The following LMBRD2 variants were observed in gnomAD, a reference collection of about 807,000 sequenced individuals.
The protein encoded by LMBRD2 is LMBR1 domain containing 2, also known as G protein-coupled receptor-associated protein LMBRD2.
In LMBRD2, 55 loss-of-function variants were observed where a neutral mutation model predicts 94.4. The ratio of observed to expected loss-of-function variants is 0.58; its 90% CI spans 0.47 to 0.73. The LOEUF (loss-of-function observed/expected upper bound fraction) is 0.73, where lower values mean the gene tolerates loss of function less well. Ranked by LOEUF, LMBRD2 falls within the 30% of genes least tolerant of loss-of-function variation. LMBRD2 has a pLI of 0.00. For synonymous variants in LMBRD2, 246 were observed against 272.4 expected, an observed-to-expected ratio of 0.90 and a Z score of 0.95; for missense variants, 640 against 831.9, an observed-to-expected ratio of 0.77 and a Z score of 2.84.
rs745439759 is a variant in LMBRD2 at position 36,116,512 on chromosome 5, A to G, written c.1384T>C (p.Tyr462His). The G allele has an allele frequency of 1.2e-6, 2 of 1,613,106 alleles. No individual in the cohort carries two copies. Among genetic ancestry groups the G allele is most frequent in the South Asian group, 1.1e-5 (1 of 91,062 alleles). The part of the protein sequence containing the change: ...VFRIRVFNYY[Y>H]LASHHQTDAY... ...TCAGTCTGGTGATGTGAGGCCAAAT[A>G]ATAATAGTTAAATACACGAATCCTG... is the stretch of plus-strand genomic sequence containing the variant. Residue 462 changes from tyrosine (Y) to histidine (H), a missense_variant, in exon 11 of 18, where the codon TAT (tyrosine) becomes CAT (histidine). By Grantham distance (83) the Tyr-to-His change is moderately conservative. Transcript: ENST00000296603.
chr5:36,138,922 G>C (rs1049509939), intron 4 of LMBRD2, among the ~76,000 whole-genome samples: 2 of 152,244 alleles, frequency 1.3e-5, no homozygotes, highest in African/African-American at 4.8e-5. Context: ...GCAGCAGCTT[G>C]TCTGGAGTGG....
At chr5:36,144,728 T>A (rs897146753) in intron 1 of LMBRD2, among the ~76,000 whole-genome samples, 3 of 152,064 alleles carry the variant, frequency 2.0e-5, no homozygotes, top group African/African-American at 7.2e-5. Flanking sequence ...ACCAATGAAA[T>A]ACTTCAAATC....
chr5:36,122,492 C>A (rs754441113), intron 8 of LMBRD2, 29 bp from the exon 9 acceptor site: 67 of 1,584,414 alleles, frequency 4.2e-5, no homozygotes, highest in Non-Finnish European at 5.1e-5. Context: ...GTAGACCTGG[C>A]AGTGTTCTGA....
chr5:36,125,714 T>C (rs1042036171), intron 6 of LMBRD2, among the ~76,000 whole-genome samples: 38 of 152,202 alleles, frequency 2.5e-4, no homozygotes, highest in African/African-American at 9.2e-4. Flanking sequence ...TCTGTACCAG[T>C]AGACACTATT....
intron 2 of LMBRD2, 134 bp from the exon 3 acceptor site, chr5:36,142,733 C>A (rs202052591): frequency 8.5e-6 from 3 of 351,806 alleles, no homozygotes; most frequent in African/African-American, 3.8e-5. Flanking sequence ...TTTTTTTTTT[C>A]TTTTTGTGTG....
chr5:36,114,391 G>A, intron 13 of LMBRD2, 33 bp downstream of exon 13: 1 of 1,541,144 alleles, frequency 6.5e-7, no homozygotes, highest in Non-Finnish European at 8.7e-7. Context: ...CCAGATTTAA[G>A]AGCAAAAGAA....
intron 1 of LMBRD2, among the ~76,000 whole-genome samples, chr5:36,144,156 A>C (rs1405538008): frequency 6.6e-6 from 1 of 152,188 alleles, no homozygotes; most frequent in African/African-American, 2.4e-5. Context: ...ATCAGCGAAT[A>C]GTTTACTTGA....
chr5:36,123,461 G>A (rs1168222797), intron 7 of LMBRD2, among the ~76,000 whole-genome samples: 2 of 151,978 alleles, frequency 1.3e-5, no homozygotes, highest in African/African-American at 4.8e-5. Context: ...TCAAAAAGTA[G>A]CAAATGTGAG....
chr5:36,107,591 G>A (rs1397651590), intron 16 of LMBRD2, among the ~76,000 whole-genome samples: 1 of 152,152 alleles, frequency 6.6e-6, no homozygotes, highest in Non-Finnish European at 1.5e-5. Context: ...GTTTCCTTAA[G>A]TCCCCAAAGA....
chr5:36,149,697 G>C (rs538285441), intron 1 of LMBRD2, among the ~76,000 whole-genome samples: 1 of 152,114 alleles, frequency 6.6e-6, no homozygotes, highest in South Asian at 2.1e-4. Flanking sequence ...ATCTGAGGTC[G>C]GGAGTTCGAG....
At position 36,109,953 on chromosome 5, in the gene LMBRD2, G is replaced by A. The variant is rs1298091007; in HGVS notation, c.1783C>T (p.Arg595Ter). The A allele has an allele frequency of 1.2e-6, 2 of 1,603,808 alleles. No homozygotes were observed. The highest frequency in any genetic ancestry group is 1.3e-5 in the African/African-American group (1 of 74,592). The change falls in exon 15 of 18, where the codon CGA becomes TGA. Residue 595 changes from arginine to a stop codon, truncating the protein, a stop_gained. Transcript: ENST00000296603. LOFTEE classifies it high-confidence loss of function. ...KRQRQEEGEN[R>*]RREWKERYGH... Reference sequence around the variant, plus strand: ...ATTAATACTGTACTTACTCTTCTTCGATTTTCACCTTCTTCTTGCCTTTGC... The same window carrying A: ...ATTAATACTGTACTTACTCTTCTTCAATTTTCACCTTCTTCTTGCCTTTGC...
intron 16 of LMBRD2, among the ~76,000 whole-genome samples, chr5:36,106,773 C>T (rs759520567): frequency 6.6e-6 from 1 of 152,010 alleles, no homozygotes; most frequent in Non-Finnish European, 1.5e-5. Flanking sequence ...GCTTCACAGG[C>T]ATAAGCCACC....
chr5:36,107,622 G>A (rs940097275), intron 16 of LMBRD2, among the ~76,000 whole-genome samples: 19 of 152,162 alleles, frequency 1.2e-4, no homozygotes, highest in African/African-American at 4.6e-4. Context: ...CTCTAGTAAT[G>A]AAATCCTATG....
chr5:36,113,447 C>T (rs776039919), intron 13 of LMBRD2, among the ~76,000 whole-genome samples: 9 of 152,014 alleles, frequency 5.9e-5, no homozygotes, highest in Non-Finnish European at 8.8e-5. Context: ...TTCTACAACT[C>T]GGTGTCTGAG....
At chr5:36,137,665 AG>A (rs1281159999) in intron 4 of LMBRD2, among the ~76,000 whole-genome samples, 2 of 152,226 alleles carry the variant, frequency 1.3e-5, no homozygotes, top group Non-Finnish European at 2.9e-5. Context: ...CTTTATGAAG[AG>A]TCTGGACTAC....
At chr5:36,150,011 C>T (rs76300697) in intron 1 of LMBRD2, among the ~76,000 whole-genome samples, 3,403 of 152,272 alleles carry the variant, frequency 0.022, 121 homozygotes, top group African/African-American at 0.078. Flanking sequence ...CTACTAATCT[C>T]GTCTTCAATG....
intron 16 of LMBRD2, among the ~76,000 whole-genome samples, chr5:36,107,375 A>C (rs1743497930): frequency 1.3e-5 from 2 of 152,238 alleles, no homozygotes; most frequent in African/African-American, 4.8e-5. Flanking sequence ...TTATGTTTTG[A>C]AAATGGCTCA....
At chr5:36,142,060 G>A (rs1447631849) in intron 3 of LMBRD2, among the ~76,000 whole-genome samples, 2 of 152,112 alleles carry the variant, frequency 1.3e-5, no homozygotes, top group East Asian at 3.8e-4. Flanking sequence ...AATTTTTTAT[G>A]TAAATCTATA....
At chr5:36,135,632 T>A (rs1744252750) in intron 6 of LMBRD2, among the ~76,000 whole-genome samples, 1 of 152,152 alleles carries the variant, frequency 6.6e-6, no homozygotes, top group African/African-American at 2.4e-5. Flanking sequence ...GAGAGTATCA[T>A]CAGCTGAGTA....
Sources: allele counts gnomAD v4.1 joint callset (sites outside exome capture counted in the v4.1 genomes callset), GRCh38; gene constraint gnomAD v4.1.1; transcripts MANE v1.5; gene names NCBI Gene and HGNC (gene_info 2026-07-23, HGNC 2026-07-21).